Variants in EZR observed in about 807,000 individuals in gnomAD.
The protein encoded by EZR is ezrin, also known as cytovillin 2.
EZR carries 40 observed loss-of-function variants against 74.8 expected under a neutral mutation model. The observed-to-expected ratio is 0.53, with a 90% confidence interval of 0.42 to 0.70. EZR has a LOEUF of 0.70. EZR is among the 30% of genes least tolerant of loss of function. The pLI is 0.00. For missense variants in EZR, 678 were observed against 755.8 expected, an observed-to-expected ratio of 0.90 and a Z score of 1.21; for synonymous variants, 341 against 283.3, an observed-to-expected ratio of 1.20 and a Z score of -2.05.
chr6:158,794,551 T>C (rs746531291), intron 2 of EZR, among the ~76,000 whole-genome samples: 2 of 152,098 alleles, frequency 1.3e-5, no homozygotes, highest in Non-Finnish European at 2.9e-5. Flanking sequence ...CTCAAGTCCA[T>C]GGGCTTAAAC....
Position 158,770,822 on chromosome 6 carries a change from C to T in EZR, c.1032G>A (p.Lys344=), listed in dbSNP as rs2128566100. 1 of 1,614,242 alleles carries T rather than the reference C, an allele frequency of 6.2e-7. No individual in the cohort carries two copies. Among genetic ancestry groups the T allele is most frequent in the Non-Finnish European group, 8.5e-7 (1 of 1,180,042 alleles). The change falls in exon 10 of 14, where the codon AAG becomes AAA. Residue 344 remains lysine (K), a synonymous_variant. Coordinates refer to ENST00000367075, the MANE Select transcript of EZR (RefSeq NM_001111077.2). ...EREKEQMMRE[K]EELMLRLQDY... ...CCTGCAGCCGCAGCATCAACTCCTCCTTCTCGCGCATCATCTGCTCTTTCT... is the reference window on the plus strand; with the variant it reads ...CCTGCAGCCGCAGCATCAACTCCTCTTTCTCGCGCATCATCTGCTCTTTCT...
intron 4 of EZR, among the ~76,000 whole-genome samples, chr6:158,786,188 A>G (rs1192940795): frequency 6.6e-6 from 1 of 152,216 alleles, no homozygotes; most frequent in East Asian, 1.9e-4. Flanking sequence ...CCTGACCAAC[A>G]TGGTGAAACC....
chr6:158,809,055 C>T (rs1457527321), intron 2 of EZR, among the ~76,000 whole-genome samples: 1 of 152,230 alleles, frequency 6.6e-6, no homozygotes, highest in Non-Finnish European at 1.5e-5. Flanking sequence ...TATGATTGTA[C>T]CACTGCACTC....
At chr6:158,792,774 C>T (rs1382788214) in intron 2 of EZR, among the ~76,000 whole-genome samples, 1 of 149,196 alleles carries the variant, frequency 6.7e-6, no homozygotes, top group Non-Finnish European at 1.5e-5. Context: ...AAGATCGGGC[C>T]ACTGCACTCC....
intron 2 of EZR, among the ~76,000 whole-genome samples, chr6:158,811,261 CTGAAA>C (rs1338144505): frequency 2.6e-5 from 4 of 152,132 alleles, no homozygotes; most frequent in Non-Finnish European, 4.4e-5. Flanking sequence ...GTAGTTACTA[CTGAAA>C]TGAAATAAGG....
chr6:158,770,695 G>A (rs1439736295), intron 10 of EZR, 69 bp downstream of exon 10: 3 of 1,580,076 alleles, frequency 1.9e-6, no homozygotes, highest in Non-Finnish European at 1.7e-6. Context: ...GTGGGTGGGT[G>A]GGTGTGGCCC....
chr6:158,782,073 T>C (rs1324089372), intron 7 of EZR, among the ~76,000 whole-genome samples: 1 of 152,156 alleles, frequency 6.6e-6, no homozygotes, highest in Admixed American at 6.5e-5. Context: ...CGTGCTTCTT[T>C]ACCAATGCTG....
intron 2 of EZR, among the ~76,000 whole-genome samples, chr6:158,813,450 G>T (rs1030287387): frequency 1.3e-5 from 2 of 152,324 alleles, no homozygotes; most frequent in South Asian, 2.1e-4. Context: ...CATTCATTGT[G>T]CCTTACAGCG....
At chr6:158,805,046 GAAT>G (rs750105155) in intron 2 of EZR, among the ~76,000 whole-genome samples, 3 of 151,738 alleles carry the variant, frequency 2.0e-5, no homozygotes, top group Non-Finnish European at 4.4e-5. Context: ...AGTTTACTGA[GAAT>G]GATGATTTCC....
intron 12 of EZR, among the ~76,000 whole-genome samples, chr6:158,768,481 G>A (rs370389396): frequency 1.4e-4 from 22 of 152,212 alleles, no homozygotes; most frequent in African/African-American, 3.6e-4. Flanking sequence ...CTGGAGAGCC[G>A]GGAGACACGT....
intron 1 of EZR, among the ~76,000 whole-genome samples, chr6:158,818,743 G>T (rs1038787589): frequency 6.6e-6 from 1 of 151,388 alleles, no homozygotes; most frequent in Non-Finnish European, 1.5e-5. Flanking sequence ...GAGAGAGAGG[G>T]CGAGGGGCAG....
chr6:158,818,319 G>A (rs1381320896), intron 1 of EZR, 153 bp from the exon 2 acceptor site: 36 of 288,684 alleles, frequency 1.2e-4, no homozygotes. Flanking sequence ...GCGGGCATGG[G>A]GAGGGGGCAC....
chr6:158,814,375 AT>A (rs1562509225), intron 2 of EZR, among the ~76,000 whole-genome samples: 733 of 53,850 alleles, frequency 0.014, 4 homozygotes, highest in African/African-American at 0.076. Flanking sequence ...TCCCCATCAG[AT>A]TTTCCTCTCG....
At chr6:158,798,830 TGTTGC>T (rs1562502135) in intron 2 of EZR, among the ~76,000 whole-genome samples, 10 of 152,026 alleles carry the variant, frequency 6.6e-5, no homozygotes, top group African/African-American at 2.2e-4. Flanking sequence ...AGTTTCACCA[TGTTGC>T]CCAGGGTGGC....
intron 8 of EZR, among the ~76,000 whole-genome samples, chr6:158,775,186 C>T (rs1266311804): frequency 6.6e-6 from 1 of 151,972 alleles, no homozygotes; most frequent in Non-Finnish European, 1.5e-5. Context: ...GCGCCCACCA[C>T]CACGCCCAGA....
rs1214176336 is a variant in EZR at position 158,817,038 on chromosome 6, T to TC, written c.12+1043dup. On this transcript the variant is annotated intron_variant, in intron 2 of 13. Transcript: ENST00000367075. ...AGGCAGAGGTTGCAGTGAGCCGAGA[T>TC]CATGCCACTGCACTCCAGCCTGGGC... is the stretch of plus-strand genomic sequence containing the variant. Among the ~76,000 whole-genome samples, 15 of 152,050 alleles carry TC rather than the reference T, an allele frequency of 9.9e-5. 1 individual carries two copies. The highest frequency in any genetic ancestry group is 7.2e-4 in the Admixed American group (11 of 15,268).
In EZR at chr6:158,801,728, A is replaced by C. The variant is rs551200822; in HGVS notation, c.13-12357T>G. Among the ~76,000 whole-genome samples the C allele has an allele frequency of 2.0e-3, 308 of 152,252 alleles. 1 individual carries two copies. The highest frequency in any genetic ancestry group is 6.8e-3 in the Middle Eastern group (2 of 294). On this transcript the variant is annotated intron_variant, in intron 2 of 13. Transcript: ENST00000367075. ...TGTCACAACCCTGATAACCACTATA[A>C]CCAGCACTCCCCACAGGGGTCAAAG...
At position 158,769,437 on chromosome 6, in the gene EZR, G is replaced by A. The variant is rs369686423; in HGVS notation, c.1252-19C>T. 11 of 1,599,718 alleles carry A rather than the reference G, an allele frequency of 6.9e-6. No homozygotes were observed. The highest frequency in any genetic ancestry group is 1.3e-5 in the African/African-American group (1 of 75,004). The stretch of plus-strand genomic sequence containing the variant: ...CCGCAGCCTGGGAAGGGAATGCCAA[G>A]CTCACGTCAGTTCTGATATCCTTTC... On this transcript the variant is annotated intron_variant, in intron 11 of 13. Transcript: ENST00000367075.
intron 4 of EZR, among the ~76,000 whole-genome samples, chr6:158,786,450 T>G (rs1434517926): frequency 6.6e-6 from 1 of 152,204 alleles, no homozygotes; most frequent in Non-Finnish European, 1.5e-5. Flanking sequence ...ACTGCCTCAC[T>G]AAGCCCCAGT....
Sources: allele counts gnomAD v4.1 joint callset (sites outside exome capture counted in the v4.1 genomes callset), GRCh38; gene constraint gnomAD v4.1.1; transcripts MANE v1.5; gene names NCBI Gene and HGNC (gene_info 2026-07-23, HGNC 2026-07-21).